Variants in FMNL2 observed in about 807,000 individuals in gnomAD.
The protein encoded by FMNL2 is formin-like protein 2.
FMNL2 carries 51 observed loss-of-function variants against 130.2 expected under a neutral mutation model. The ratio of observed to expected loss-of-function variants is 0.39; its 90% CI spans 0.31 to 0.49. FMNL2 has a LOEUF of 0.49. Among genes scored for constraint, FMNL2 ranks in the 20% least tolerant of loss-of-function variants. FMNL2 has a pLI of 0.85. For missense variants in FMNL2, 977 were observed against 1,316.2 expected (o/e 0.74, Z 3.99); for synonymous variants, 465 against 467.1 (o/e 1.00, Z 0.06).
intron 1 of FMNL2, among the ~76,000 whole-genome samples, chr2:152,489,026 G>C (rs1381446299): frequency 1.3e-5 from 2 of 152,138 alleles, no homozygotes; most frequent in Non-Finnish European, 2.9e-5. Context: ...AGCCACGATG[G>C]TACCACTGCA....
In FMNL2 at chr2:152,378,706, T is replaced by C. The variant is rs76861644; in HGVS notation, c.117+42986T>C. The stretch of plus-strand genomic sequence containing the variant: ...CTTAGGAGGGGCTCATGTGAAGTGG[T>C]CCATGACCTGTCTGCCTTATTGCTT... On this transcript the variant is annotated intron_variant, in intron 1 of 25. Transcript: ENST00000288670. Among the ~76,000 whole-genome samples the C allele has an allele frequency of 5.9e-5, 9 of 152,280 alleles. No homozygotes were observed. The East Asian group carries it at 1.7e-3, about 29-fold the overall frequency.
intron 18 of FMNL2, among the ~76,000 whole-genome samples, chr2:152,628,921 A>T (rs1320814227): frequency 1.3e-5 from 2 of 152,202 alleles, no homozygotes; most frequent in Non-Finnish European, 2.9e-5. Context: ...ATGTTGCCTC[A>T]TCTTTAGTGA....
In FMNL2 at chr2:152,558,432, A is replaced by G. The variant is rs561801129; in HGVS notation, c.360-308A>G. On this transcript the variant is annotated intron_variant, in intron 4 of 25. Transcript: ENST00000288670. ...AGATCAATTGTGGTGGAAAAAGTACATTAAGCAAGTGCCTTCTTTAAAGAA... is the reference window on the plus strand; with the variant it reads ...AGATCAATTGTGGTGGAAAAAGTACGTTAAGCAAGTGCCTTCTTTAAAGAA... Among the ~76,000 whole-genome samples the G allele has an allele frequency of 1.2e-4, 19 of 152,350 alleles. 1 individual carries two copies. Among genetic ancestry groups the G allele is most frequent in the South Asian group, 2.1e-4 (1 of 4,828 alleles).
intron 1 of FMNL2, among the ~76,000 whole-genome samples, chr2:152,484,739 G>A (rs1444957455): frequency 8.5e-5 from 13 of 152,208 alleles, no homozygotes; most frequent in African/African-American, 3.1e-4. Context: ...TCCAGCCTGG[G>A]TGACAGAGTG....
chr2:152,406,131 A>G (rs539480951), intron 1 of FMNL2, among the ~76,000 whole-genome samples: 6 of 139,862 alleles, frequency 4.3e-5, no homozygotes, highest in Non-Finnish European at 7.7e-5. Flanking sequence ...CCCTATGTCT[A>G]TAAGTGTATG....
rs192973270 is a variant in FMNL2, at chr2:152,401,015, A to G, written c.117+65295A>G. Among the ~76,000 whole-genome samples, 456 of 152,386 alleles carry G rather than the reference A, an allele frequency of 3.0e-3. 4 individuals carry two copies. Among genetic ancestry groups the G allele is most frequent in the Non-Finnish European group, 4.6e-3 (312 of 68,040 alleles). On this transcript the variant is annotated intron_variant, in intron 1 of 25. Transcript: ENST00000288670. ...CAAGGAGTATGTGACTCAGTTCTCA[A>G]TAAAGTTACATGTAGGAAGATGTTG...
At chr2:152,611,096 T>G (rs890383042) in intron 10 of FMNL2, among the ~76,000 whole-genome samples, 4 of 152,220 alleles carry the variant, frequency 2.6e-5, no homozygotes, top group African/African-American at 7.2e-5. Context: ...ATCCCAGCAC[T>G]TTGGGAGGCC....
intron 2 of FMNL2, among the ~76,000 whole-genome samples, chr2:152,531,250 C>G (rs10207275): frequency 0.77 from 117,722 of 152,028 alleles, 47,119 homozygotes; most frequent in Non-Finnish European, 0.9. Context: ...ATATTTTTGT[C>G]CTCAGCAATG....
rs1698996023 is a variant in FMNL2, at chr2:152,617,125, C to G, written c.1247C>G (p.Ala416Gly). 1 of 1,613,750 alleles carries G rather than the reference C, an allele frequency of 6.2e-7. No individual in the cohort carries two copies. Among genetic ancestry groups the G allele is most frequent in the Non-Finnish European group, 8.5e-7 (1 of 1,179,864 alleles). Residue 416 changes from alanine (A) to glycine (G), a missense_variant, in exon 13 of 26, where the codon GCC (alanine) becomes GGC (glycine). Physicochemically the swap from Ala to Gly is moderately conservative, Grantham distance 60. Transcript: ENST00000288670. ...SEKLQDTENE[A>G]MSKIVELEKQ... The stretch of plus-strand genomic sequence containing the variant: ...AAACTGCAAGACACAGAGAATGAAG[C>G]CATGTCCAAGATTGTGGAACTGGAA...
intron 1 of FMNL2, among the ~76,000 whole-genome samples, chr2:152,449,030 C>G (rs1476770661): frequency 2.6e-5 from 4 of 152,202 alleles, no homozygotes; most frequent in African/African-American, 9.6e-5. Flanking sequence ...GTTAAGATGG[C>G]ACTCAGTAGT....
intron 15 of FMNL2, chr2:152,622,415 C>A (rs1440339200): frequency 8.9e-6 from 4 of 450,388 alleles, no homozygotes; most frequent in African/African-American, 2.0e-5. Context: ...TCTGTGCCGC[C>A]TTGTGAAATG....
At chr2:152,538,326 C>T (rs1233112275) in intron 2 of FMNL2, among the ~76,000 whole-genome samples, 7 of 151,968 alleles carry the variant, frequency 4.6e-5, no homozygotes, top group African/African-American at 1.5e-4. Flanking sequence ...GTCGCCCAGA[C>T]TGGACTGCAG....
intron 9 of FMNL2, among the ~76,000 whole-genome samples, chr2:152,588,648 AG>A (rs943318069): frequency 1.2e-4 from 19 of 152,116 alleles, no homozygotes; most frequent in African/African-American, 4.1e-4. Context: ...TTTTATACCA[AG>A]AAGGTAGTAT....
intron 1 of FMNL2, among the ~76,000 whole-genome samples, chr2:152,471,382 G>A (rs943883027): frequency 6.6e-6 from 1 of 152,202 alleles, no homozygotes; most frequent in Non-Finnish European, 1.5e-5. Context: ...GAGGAGTGAG[G>A]CTGTTTAGAT....
intron 2 of FMNL2, among the ~76,000 whole-genome samples, chr2:152,524,711 T>G (rs1342884359): frequency 6.6e-6 from 1 of 152,186 alleles, no homozygotes; most frequent in Non-Finnish European, 1.5e-5. Flanking sequence ...TAATCTCACT[T>G]GTGCCTCAGT....
intron 1 of FMNL2, among the ~76,000 whole-genome samples, chr2:152,392,610 G>C (rs575376396): frequency 6.6e-6 from 1 of 152,302 alleles, no homozygotes; most frequent in South Asian, 2.1e-4. Context: ...TCCAAATGCG[G>C]AGTGAAGCCT....
intron 1 of FMNL2, among the ~76,000 whole-genome samples, chr2:152,343,205 GCT>G (rs1479886572): frequency 1.3e-5 from 2 of 152,196 alleles, no homozygotes; most frequent in Admixed American, 1.3e-4. Context: ...TTTAGACCCT[GCT>G]ATCCCCAGAA....
At chr2:152,529,917 G>A (rs1202732016) in intron 2 of FMNL2, among the ~76,000 whole-genome samples, 3 of 152,144 alleles carry the variant, frequency 2.0e-5, no homozygotes, top group African/African-American at 2.4e-5. Context: ...GCTTAGTCTC[G>A]TTTGAAATGT....
chr2:152,412,207 G>A (rs1686324177), intron 1 of FMNL2, among the ~76,000 whole-genome samples: 1 of 151,822 alleles, frequency 6.6e-6, no homozygotes, highest in Non-Finnish European at 1.5e-5. Context: ...TTGGCAGGTG[G>A]CATTTGGAGC....
Sources: allele counts gnomAD v4.1 joint callset (sites outside exome capture counted in the v4.1 genomes callset), GRCh38; gene constraint gnomAD v4.1.1; transcripts MANE v1.5; gene names NCBI Gene and HGNC (gene_info 2026-07-23, HGNC 2026-07-21).